SLC25A43: variants seen among roughly 807,000 people sequenced by gnomAD.
SLC25A43 encodes solute carrier family 25, member 43.
SLC25A43 carries 10 observed loss-of-function variants against 22.8 expected under a neutral mutation model. The ratio of observed to expected loss-of-function variants is 0.44; its 90% CI spans 0.27 to 0.74. SLC25A43 has a LOEUF of 0.74. Ranked by LOEUF, SLC25A43 falls within the 30% of genes least tolerant of loss-of-function variation. The pLI is 0.17. For synonymous variants in SLC25A43, 106 were observed against 121.6 expected, an observed-to-expected ratio of 0.87 and a Z score of 0.84; for missense variants, 233 against 279.1, an observed-to-expected ratio of 0.83 and a Z score of 1.18.
At position 119,405,749 on chromosome X, in the gene SLC25A43, G is replaced by A. The variant is rs139496122; in HGVS notation, c.276-711G>A. On this transcript the variant is annotated intron_variant, in intron 1 of 4. Coordinates refer to ENST00000217909, the MANE Select transcript of SLC25A43 (RefSeq NM_145305.3). ...CATGCCACTGTACTTCTGCGTGGGC[G>A]ATAGAGTGGCCACCGCACCCGGCCC... 6.4e-4 allele frequency among the ~76,000 whole-genome samples: 71 copies of A among 110,700 alleles called. 1 individual carries two copies. The East Asian group carries it at 0.019, about 30-fold the overall frequency.
intron 3 of SLC25A43, among the ~76,000 whole-genome samples, chrX:119,430,744 G>A (rs5909622): frequency 0.2 from 22,100 of 111,791 alleles, 1,660 homozygotes; most frequent in African/African-American, 0.24. Context: ...TCCGTGGTCA[G>A]CCTAATGCAG....
At chrX:119,408,901 G>C (rs1376407946) in intron 2 of SLC25A43, among the ~76,000 whole-genome samples, 1 of 110,456 alleles carries the variant, frequency 9.1e-6, no homozygotes, top group African/African-American at 3.3e-5. Context: ...TCACCATCGA[G>C]AGTCTCTCAC....
chrX:119,444,456 A>G (rs1394182281), intron 3 of SLC25A43, among the ~76,000 whole-genome samples: 1 of 111,241 alleles, frequency 9.0e-6, no homozygotes, highest in Non-Finnish European at 1.9e-5. Flanking sequence ...CTGTAATCCC[A>G]GCACTTTGGG....
At chrX:119,416,671 G>T (rs866832007) in intron 3 of SLC25A43, among the ~76,000 whole-genome samples, 1 of 112,076 alleles carries the variant, frequency 8.9e-6, no homozygotes, top group Non-Finnish European at 1.9e-5. Flanking sequence ...CATACACTTG[G>T]AGTAATTTAT....
At chrX:119,421,111 CAAAAAAAAAAAAAAA>C (rs55775067) in intron 3 of SLC25A43, among the ~76,000 whole-genome samples, 14 of 50,394 alleles carry the variant, frequency 2.8e-4, no homozygotes, top group Admixed American at 5.6e-4. Context: ...AACTTCATCT[CAAAAAAAAAAAAAAA>C]AAAAAAAAAA....
At chrX:119,407,780 C>G (rs1394603931) in intron 2 of SLC25A43, among the ~76,000 whole-genome samples, 1 of 111,013 alleles carries the variant, frequency 9.0e-6, no homozygotes, top group African/African-American at 3.3e-5. Context: ...CTCCTGTGTT[C>G]CCTAATGAAT....
chrX:119,420,069 C>T (rs1337248152), intron 3 of SLC25A43, among the ~76,000 whole-genome samples: 1 of 111,805 alleles, frequency 8.9e-6, no homozygotes, highest in Non-Finnish European at 1.9e-5. Context: ...TACAACAGCC[C>T]TACAAGGTGG....
At chrX:119,404,232 C>T (rs2052266366) in intron 1 of SLC25A43, among the ~76,000 whole-genome samples, 1 of 110,447 alleles carries the variant, frequency 9.1e-6, no homozygotes, top group African/African-American at 3.3e-5. Context: ...AACTCCTGAC[C>T]TCAAGTGATC....
At chrX:119,447,359 A>G (rs2052676489) in intron 3 of SLC25A43, among the ~76,000 whole-genome samples, 1 of 111,422 alleles carries the variant, frequency 9.0e-6, no homozygotes, top group Non-Finnish European at 1.9e-5. Context: ...AGGCTGGAGT[A>G]CAGTGGCACA....
intron 3 of SLC25A43, among the ~76,000 whole-genome samples, chrX:119,435,420 T>C (rs1461843636): frequency 1.9e-5 from 2 of 107,797 alleles, no homozygotes; most frequent in Non-Finnish European, 3.8e-5. Context: ...ATTAGTACTA[T>C]GGCTTGTAGG....
chrX:119,425,329 A>G (rs770312685), intron 3 of SLC25A43, among the ~76,000 whole-genome samples: 16 of 111,860 alleles, frequency 1.4e-4, no homozygotes, highest in African/African-American at 3.2e-4. Context: ...GTAAATTGTT[A>G]TAACTATCCC....
intron 3 of SLC25A43, 131 bp downstream of exon 3, chrX:119,410,493 G>A: frequency 1.5e-6 from 1 of 679,060 alleles, no homozygotes; most frequent in South Asian, 3.2e-5. Context: ...CATAAATACT[G>A]TGCAAACCCC....
rs73599662 is a variant in SLC25A43 at position 119,407,018 on chromosome X, T to C, written c.517+317T>C. 3.3e-3 allele frequency among the ~76,000 whole-genome samples: 376 copies of C among 113,260 alleles called. 1 individual carries two copies. Among genetic ancestry groups the C allele is most frequent in the African/African-American group, 0.011 (357 of 31,244 alleles). Reference sequence around the variant, plus strand: ...AGTGTACATACACATTGATATGCCATGAGGGCAACTAGGGTAGCAACTGTG... The same window carrying C: ...AGTGTACATACACATTGATATGCCACGAGGGCAACTAGGGTAGCAACTGTG... On this transcript the variant is annotated intron_variant, in intron 2 of 4. Coordinates refer to ENST00000217909, the MANE Select transcript of SLC25A43 (RefSeq NM_145305.3).
At chrX:119,409,890 A>C (rs1287448455) in intron 2 of SLC25A43, among the ~76,000 whole-genome samples, 1 of 112,720 alleles carries the variant, frequency 8.9e-6, no homozygotes, top group East Asian at 2.8e-4. Flanking sequence ...TGCTGGGATT[A>C]CAGGCATGAG....
At chrX:119,421,562 C>G (rs1301149391) in intron 3 of SLC25A43, among the ~76,000 whole-genome samples, 2 of 112,179 alleles carry the variant, frequency 1.8e-5, no homozygotes, top group Admixed American at 9.5e-5. Flanking sequence ...GAGGTTACCT[C>G]TGTCTTGGAA....
intron 3 of SLC25A43, among the ~76,000 whole-genome samples, chrX:119,413,818 A>ATATT (rs1197654508): frequency 8.9e-6 from 1 of 112,040 alleles, no homozygotes. Context: ...TGGATGTGCC[A>ATATT]AAAATATGTA....
intron 3 of SLC25A43, among the ~76,000 whole-genome samples, chrX:119,443,058 T>C: frequency 9.0e-6 from 1 of 111,599 alleles, no homozygotes; most frequent in African/African-American, 3.2e-5. Flanking sequence ...AGAGGTCTCT[T>C]TGAAAGAGTT....
intron 3 of SLC25A43, among the ~76,000 whole-genome samples, chrX:119,430,500 C>A (rs956852562): frequency 9.0e-6 from 1 of 111,724 alleles, no homozygotes; most frequent in African/African-American, 3.3e-5. Context: ...GCTTCAGGGC[C>A]CATGTGCTTT....
intron 1 of SLC25A43, among the ~76,000 whole-genome samples, chrX:119,402,444 G>A (rs374730314): frequency 9.0e-6 from 1 of 111,702 alleles, no homozygotes; most frequent in African/African-American, 3.3e-5. Flanking sequence ...CCCCGCCCTG[G>A]AACTTCACAA....
Sources: allele counts gnomAD v4.1 joint callset (sites outside exome capture counted in the v4.1 genomes callset), GRCh38; gene constraint gnomAD v4.1.1; transcripts MANE v1.5; gene names NCBI Gene and HGNC (gene_info 2026-07-23, HGNC 2026-07-21).